AMER3: variants seen among roughly 807,000 people sequenced by gnomAD.
The protein encoded by AMER3 is family with sequence similarity 123C.
For synonymous variants in AMER3, 541 were observed against 485.5 expected (o/e 1.11, Z -1.50); for missense variants, 1,201 against 1,139.4 (o/e 1.05, Z -0.78).
In AMER3 at chr2:130,764,339, G is replaced by T; in HGVS notation, c.2267G>T (p.Arg756Met). 6.2e-7 allele frequency: 1 copy of T among 1,610,312 alleles called. No homozygotes were observed. Residue 756 changes from arginine to methionine, a missense_variant, in exon 2 of 2, where the codon AGG (arginine) becomes ATG (methionine). Arg to Met is a moderately conservative substitution (Grantham distance 91). Coordinates refer to ENST00000321420, the MANE Select transcript of AMER3 (RefSeq NM_152698.3). ...CGTGTCCAGGACCTGAGCTGGCTCA[G>T]GGTGGAGCCCACCGGGCTAGGTGTC... is the stretch of plus-strand genomic sequence containing the variant. Reference protein sequence around the residue: ...RDRVQDLSWLRVEPTGLGVQA... With the variant: ...RDRVQDLSWLMVEPTGLGVQA...
chr2:130,762,542 A>G lies in AMER3; in HGVS notation c.470A>G (p.Lys157Arg). Residue 157 changes from lysine to arginine, a missense_variant, in exon 2 of 2, where the codon AAG becomes AGG. Physicochemically the swap from Lys to Arg is conservative, Grantham distance 26. Coordinates refer to ENST00000321420, the MANE Select transcript of AMER3 (RefSeq NM_152698.3). ...PRKRISLKRP[K>R]KCFRNLFHIR... ...AAGAGGATTTCCCTGAAGAGGCCCA[A>G]GAAGTGCTTTCGGAACCTATTCCAC... 6.2e-7 allele frequency: 1 copy of G among 1,613,516 alleles called. No individual in the cohort carries two copies. Among genetic ancestry groups the G allele is most frequent in the Non-Finnish European group, 8.5e-7 (1 of 1,180,012 alleles).
At position 130,763,882 on chromosome 2, in the gene AMER3, G is replaced by A. The variant is rs1447466911; in HGVS notation, c.1810G>A (p.Glu604Lys). Residue 604 changes from glutamate (E) to lysine (K), a missense_variant, in exon 2 of 2, where the codon GAG (glutamate) becomes AAG (lysine). Physicochemically the swap from Glu to Lys is moderately conservative, Grantham distance 56 (BLOSUM62 1). Coordinates refer to ENST00000321420, the MANE Select transcript of AMER3 (RefSeq NM_152698.3). Reference protein sequence around the residue: ...TLSRDASREEETRGHSEGLFS... With the variant: ...TLSRDASREEKTRGHSEGLFS... ...GTCCAGGGATGCCTCTCGAGAGGAA[G>A]AGACACGAGGTCACTCTGAAGGCTT... The A allele has an allele frequency of 1.7e-5, 28 of 1,613,590 alleles. No individual in the cohort carries two copies. Among genetic ancestry groups the A allele is most frequent in the Non-Finnish European group, 2.0e-5 (24 of 1,180,038 alleles).
Position 130,762,765 on chromosome 2 carries a change from C to T in AMER3, c.693C>T (p.Cys231=), listed in dbSNP as rs1678833987. 6.2e-7 allele frequency: 1 copy of T among 1,611,484 alleles called. No homozygotes were observed. Among genetic ancestry groups the T allele is most frequent in the Non-Finnish European group, 8.5e-7 (1 of 1,178,744 alleles). ...TGGCCGATGCATCCTTTGGTCTCTG[C>T]AGGGCCCTGTGTGAGGACGTGGCCT... is the stretch of plus-strand genomic sequence containing the variant. ...ELLADASFGL[C]RALCEDVASL... is the part of the protein sequence containing the mutation. Residue 231 remains cysteine (C), a synonymous_variant, in exon 2 of 2, where the codon TGC becomes TGT. Coordinates refer to ENST00000321420, the MANE Select transcript of AMER3 (RefSeq NM_152698.3).
At position 130,767,005 on chromosome 2, in the gene AMER3, T is replaced by C. The variant is rs1409079329; in HGVS notation, c.*2347T>C. 6.0e-6 allele frequency: 1 copy of C among 167,136 alleles called. No individual in the cohort carries two copies. The highest frequency in any genetic ancestry group is 1.5e-5 in the Non-Finnish European group (1 of 68,172). The allele number at this position is 167,136 out of a possible 1,614,324, so 10.4% of individuals were successfully genotyped here. On this transcript the variant is annotated 3_prime_UTR_variant, in exon 2 of 2. Transcript: ENST00000321420. ...CTCTGCCTGCAAGTAACAAAGGCTT[T>C]TGACTCCACTCCCTCCACGCTGTCA...
In AMER3 at chr2:130,766,382, G is replaced by A. The variant is rs1466847395; in HGVS notation, c.*1724G>A. 6.0e-6 allele frequency: 1 copy of A among 166,458 alleles called. No individual in the cohort carries two copies. The highest frequency in any genetic ancestry group is 1.5e-5 in the Non-Finnish European group (1 of 68,090). The allele number at this position is 166,458 out of a possible 1,614,324, so 10.3% of individuals were successfully genotyped here. A position where few individuals can be genotyped will look rare whatever the true frequency, so the allele number is the denominator to read the frequency against. ...GAACATTGTATTACTGTTTTGTGTT[G>A]CTATAAAGGATAACTGTGACCAGAT... On this transcript the variant is annotated 3_prime_UTR_variant, in exon 2 of 2. Transcript: ENST00000321420.
chr2:130,756,369 C>G (rs1678609559), intron 1 of AMER3: 1 of 151,814 alleles, frequency 6.6e-6, no homozygotes, highest in South Asian at 2.1e-4. Flanking sequence ...TGCTGCACTG[C>G]GGGCCCCCAG....
In AMER3 at chr2:130,764,498, A is replaced by G. The variant is rs1395615479; in HGVS notation, c.2426A>G (p.His809Arg). 6.2e-7 allele frequency: 1 copy of G among 1,600,864 alleles called. No individual in the cohort carries two copies. The highest frequency in any genetic ancestry group is 1.3e-5 in the African/African-American group (1 of 74,728). Reference sequence around the variant, plus strand: ...GCCCGGTGGAGTTCCCAGGGCCACCATCCAGAAAGCCTGGGCCTCACTTTG... The same window carrying G: ...GCCCGGTGGAGTTCCCAGGGCCACCGTCCAGAAAGCCTGGGCCTCACTTTG... Reference protein sequence around the residue: ...PAARWSSQGHHPESLGLTLNS... With the variant: ...PAARWSSQGHRPESLGLTLNS... The change falls in exon 2 of 2, where the codon CAT becomes CGT. Residue 809 changes from histidine (H) to arginine (R), a missense_variant. Physicochemically the swap from His to Arg is conservative, Grantham distance 29 (BLOSUM62 0). Coordinates refer to ENST00000321420, the MANE Select transcript of AMER3 (RefSeq NM_152698.3).
chr2:130,759,063 C>G (rs1456282295), intron 1 of AMER3, among the ~76,000 whole-genome samples: 7 of 152,220 alleles, frequency 4.6e-5, no homozygotes, highest in African/African-American at 1.7e-4. Flanking sequence ...GAGACAGGTT[C>G]CGATAAAACA....
At chr2:130,761,898 A>G (rs1460943436) in intron 1 of AMER3, among the ~76,000 whole-genome samples, 156 bp from the exon 2 acceptor site, 1 of 152,120 alleles carries the variant, frequency 6.6e-6, no homozygotes, top group Non-Finnish European at 1.5e-5. Context: ...GTGTGCTGTT[A>G]GGGCTGCTCC....
chr2:130,764,535 G>A lies in AMER3; in HGVS notation c.2463G>A (p.Gln821=). ...ESLGLTLNSQ[Q]EGGVSASAPE... ...TGGGCCTCACTTTGAACAGCCAGCAGGAAGGGGGGGTCTCTGCAAGTGCCC... is the reference window on the plus strand; with the variant it reads ...TGGGCCTCACTTTGAACAGCCAGCAAGAAGGGGGGGTCTCTGCAAGTGCCC... Residue 821 remains glutamine, a synonymous_variant, in exon 2 of 2, where the codon CAG becomes CAA. Transcript: ENST00000321420. 1 of 1,604,096 alleles carries A rather than the reference G, an allele frequency of 6.2e-7. No individual in the cohort carries two copies. Among genetic ancestry groups the A allele is most frequent in the Non-Finnish European group, 8.5e-7 (1 of 1,176,008 alleles).
rs1678982323 is a variant in AMER3, at chr2:130,766,338, C to T, written c.*1680C>T. On this transcript the variant is annotated 3_prime_UTR_variant, in exon 2 of 2. Coordinates refer to ENST00000321420, the MANE Select transcript of AMER3 (RefSeq NM_152698.3). ...CAGGTGGCTACAACATGCTGAGGGC[C>T]TGAAGGGCGTCCCCTCAGGAACATT... is the stretch of plus-strand genomic sequence containing the variant. The T allele has an allele frequency of 6.0e-6, 1 of 167,086 alleles. No homozygotes were observed. The highest frequency in any genetic ancestry group is 1.5e-5 in the Non-Finnish European group (1 of 68,162). The allele number at this position is 167,086 out of a possible 1,614,324, so 10.4% of individuals were successfully genotyped here. A position where few individuals can be genotyped will look rare whatever the true frequency, so the allele number is the denominator to read the frequency against.
Position 130,762,063 on chromosome 2 carries a change from C to G in AMER3, c.-10C>G. 1 of 1,607,952 alleles carries G rather than the reference C, an allele frequency of 6.2e-7. No homozygotes were observed. ...CTGCTTTCCTCCACAGCAGCTGGGG[C>G]ACTGGCAGCATGGAGCTGAAGAGAG... On this transcript the variant is annotated 5_prime_UTR_variant, in exon 2 of 2. Coordinates refer to ENST00000321420, the MANE Select transcript of AMER3 (RefSeq NM_152698.3).
Position 130,763,971 on chromosome 2 carries a change from A to G in AMER3, c.1899A>G (p.Pro633=), listed in dbSNP as rs780823494. ...TTDTSGKNKA[P]VPSTWPCSQK... ...ATACTTCCGGTAAAAATAAGGCCCCAGTTCCTTCTACCTGGCCCTGCTCCC... is the reference window on the plus strand; with the variant it reads ...ATACTTCCGGTAAAAATAAGGCCCCGGTTCCTTCTACCTGGCCCTGCTCCC... Residue 633 remains proline (P), a synonymous_variant, in exon 2 of 2, where the codon CCA becomes CCG. Transcript: ENST00000321420. The G allele has an allele frequency of 1.2e-6, 2 of 1,613,726 alleles. No homozygotes were observed. The highest frequency in any genetic ancestry group is 1.7e-6 in the Non-Finnish European group (2 of 1,179,968).
intron 1 of AMER3, among the ~76,000 whole-genome samples, chr2:130,758,913 A>T (rs975163989): frequency 2.6e-5 from 4 of 152,274 alleles, no homozygotes; most frequent in Non-Finnish European, 4.4e-5. Flanking sequence ...CAAGGCCAGC[A>T]TCTGGCTGTC....
At chr2:130,757,255 A>G (rs1678640015) in intron 1 of AMER3, among the ~76,000 whole-genome samples, 1 of 152,180 alleles carries the variant, frequency 6.6e-6, no homozygotes. Flanking sequence ...GAATAACTTC[A>G]TTTGCCCAAT....
chr2:130,763,698 G>T lies in AMER3; in HGVS notation c.1626G>T (p.Glu542Asp). ...GSQGAPRAPT[E>D]KLGGREGLAS... ...AGGGAGCCCCTAGGGCACCCACAGA[G>T]AAGCTGGGGGGCAGGGAGGGCCTGG... The change falls in exon 2 of 2, where the codon GAG becomes GAT. Residue 542 changes from glutamate to aspartate, a missense_variant. Coordinates refer to ENST00000321420, the MANE Select transcript of AMER3 (RefSeq NM_152698.3). The T allele has an allele frequency of 6.5e-7, 1 of 1,547,970 alleles. No individual in the cohort carries two copies.
chr2:130,765,892 C>T lies in AMER3; in HGVS notation c.*1234C>T, dbSNP rs1057372678. Reference sequence around the variant, plus strand: ...TCTGGAAACACCTCACAGACATGCCCAGAATAATGATCTCCCAGGTCTCTA... The same window carrying T: ...TCTGGAAACACCTCACAGACATGCCTAGAATAATGATCTCCCAGGTCTCTA... On this transcript the variant is annotated 3_prime_UTR_variant, in exon 2 of 2. Transcript: ENST00000321420. 1.2e-5 allele frequency: 2 copies of T among 167,040 alleles called. No homozygotes were observed. Among genetic ancestry groups the T allele is most frequent in the East Asian group, 3.8e-4 (2 of 5,196 alleles). The allele number at this position is 167,040 out of a possible 1,614,324, so 10.3% of individuals were successfully genotyped here.
At position 130,764,818 on chromosome 2, in the gene AMER3, G is replaced by T; in HGVS notation, c.*160G>T. 1 of 988,124 alleles carries T rather than the reference G, an allele frequency of 1.0e-6. No individual in the cohort carries two copies. Among genetic ancestry groups the T allele is most frequent in the South Asian group, 1.8e-5 (1 of 56,346 alleles). The allele number at this position is 988,124 out of a possible 1,614,324, so 61.2% of individuals were successfully genotyped here. ...CAGAGGGTAGCATGTTCATGTGGAG[G>T]CATCCTTGCCTGAACCCACCAGCTC... On this transcript the variant is annotated 3_prime_UTR_variant, in exon 2 of 2. Transcript: ENST00000321420.
At position 130,762,815 on chromosome 2, in the gene AMER3, C is replaced by G; in HGVS notation, c.743C>G (p.Thr248Arg). The G allele has an allele frequency of 6.2e-7, 1 of 1,613,228 alleles. No homozygotes were observed. Among genetic ancestry groups the G allele is most frequent in the Non-Finnish European group, 8.5e-7 (1 of 1,179,750 alleles). ...VASLQSFDSL[T>R]GCGEVFADES... ...TCACTCCAGAGCTTCGACTCGCTCA[C>G]GGGTTGTGGGGAGGTGTTCGCAGAT... Residue 248 changes from threonine to arginine, a missense_variant, in exon 2 of 2, where the codon ACG becomes AGG. By Grantham distance (71) the Thr-to-Arg change is moderately conservative. Coordinates refer to ENST00000321420, the MANE Select transcript of AMER3 (RefSeq NM_152698.3).
Sources: allele counts gnomAD v4.1 joint callset (sites outside exome capture counted in the v4.1 genomes callset), GRCh38; gene constraint gnomAD v4.1.1; transcripts MANE v1.5; gene names NCBI Gene and HGNC (gene_info 2026-07-23, HGNC 2026-07-21).